XRCC6: variants seen among roughly 807,000 people sequenced by gnomAD.
XRCC6 encodes DNA repair protein Ku70.
Under a neutral mutation model 65.7 loss-of-function variants are expected in XRCC6, and 5 were observed. That is an observed-to-expected ratio of 0.08 (90% CI 0.04 to 0.16). XRCC6 has a LOEUF of 0.16. XRCC6 is among the 10% of genes least tolerant of loss of function. The pLI, the probability that XRCC6 is intolerant of heterozygous loss-of-function variation, is 1.00. For missense variants in XRCC6, 447 were observed against 738.1 expected (o/e 0.61, Z 4.57); for synonymous variants, 270 against 270.6 (o/e 1.00, Z 0.02).
chr22:41,648,175 C>G (rs58336301), intron 7 of XRCC6: 2 of 151,698 alleles, frequency 1.3e-5, no homozygotes, highest in Non-Finnish European at 1.5e-5. Context: ...TAAACACCAC[C>G]GCACTTGGAC....
intron 3 of XRCC6, 95 bp downstream of exon 3, chr22:41,628,325 G>A (rs1379443548): frequency 1.1e-5 from 11 of 972,048 alleles, no homozygotes; most frequent in Admixed American, 2.4e-5. Context: ...TTGGGAGGCC[G>A]AGACGGGCAG....
chr22:41,626,631 G>GTTTTTTTTTTT (rs921225213), intron 2 of XRCC6, among the ~76,000 whole-genome samples: 2 of 111,508 alleles, frequency 1.8e-5, no homozygotes, highest in Non-Finnish European at 2.0e-5. Flanking sequence ...ATGTTTGTTT[G>GTTTTTTTTTTT]TTTTTTTTTT....
At chr22:41,625,229 G>A (rs142063666) in intron 2 of XRCC6, among the ~76,000 whole-genome samples, 2 of 152,244 alleles carry the variant, frequency 1.3e-5, no homozygotes, top group African/African-American at 2.4e-5. Flanking sequence ...GCTTGAACAC[G>A]GGAGGTGGAG....
chr22:41,660,604 C>T (rs1238292913), intron 11 of XRCC6, among the ~76,000 whole-genome samples: 3 of 152,154 alleles, frequency 2.0e-5, no homozygotes, highest in Admixed American at 1.3e-4. Flanking sequence ...TCTCACCTCT[C>T]TGCTGGCCCT....
intron 6 of XRCC6, among the ~76,000 whole-genome samples, chr22:41,640,177 C>G (rs2067860290): frequency 6.6e-6 from 1 of 151,826 alleles, no homozygotes; most frequent in African/African-American, 2.4e-5. Context: ...GAGACAGAGT[C>G]TTGCTCTGTC....
intron 3 of XRCC6, among the ~76,000 whole-genome samples, chr22:41,629,096 A>T (rs910829468): frequency 6.6e-6 from 1 of 152,056 alleles, no homozygotes; most frequent in African/African-American, 2.4e-5. Flanking sequence ...TACCACTCAC[A>T]CCCACTATAT....
chr22:41,654,892 T>C (rs2068031003), intron 9 of XRCC6, among the ~76,000 whole-genome samples: 2 of 152,246 alleles, frequency 1.3e-5, no homozygotes, highest in Non-Finnish European at 2.9e-5. Context: ...ACCACAGTTT[T>C]GCTTTCTGCA....
At chr22:41,652,543 G>A (rs2068010713) in intron 8 of XRCC6, among the ~76,000 whole-genome samples, 1 of 151,886 alleles carries the variant, frequency 6.6e-6, no homozygotes. Context: ...CTTTTGTAAT[G>A]TTAGTAGAGA....
At position 41,650,247 on chromosome 22, in the gene XRCC6, G is replaced by C. The variant is rs954931362; in HGVS notation, c.961-476G>C. On this transcript the variant is annotated intron_variant, in intron 7 of 12. Coordinates refer to ENST00000360079, the MANE Select transcript of XRCC6 (RefSeq NM_001469.5). ...AGCCTCCCAAGTAGCTGGGACCACA[G>C]GTGTGTACCACTATACCGAGCTAAT... is the stretch of plus-strand genomic sequence containing the variant. Among the ~76,000 whole-genome samples the C allele has an allele frequency of 6.6e-5, 10 of 151,834 alleles. No homozygotes were observed. In the South Asian group the frequency reaches 1.0e-3, roughly 16 times the overall value.
At chr22:41,637,844 G>C in intron 6 of XRCC6, 53 bp downstream of exon 6, 1 of 1,561,388 alleles carries the variant, frequency 6.4e-7, no homozygotes, top group Non-Finnish European at 8.7e-7. Context: ...TCAGAAGCAG[G>C]CTGGGCGCGG....
chr22:41,636,732 G>A lies in XRCC6; in HGVS notation c.551G>A (p.Ser184Asn). ...CATGGCAATGACAGTGCCAAAGCCA[G>A]CCGGGCCAGGACCAAAGCCGGTGAT... Reference protein sequence around the residue: ...NPHGNDSAKASRARTKAGDLR... With the variant: ...NPHGNDSAKANRARTKAGDLR... The change falls in exon 5 of 13, where the codon AGC becomes AAC. Residue 184 changes from serine to asparagine, a missense_variant. Physicochemically the swap from Ser to Asn is conservative, Grantham distance 46. Transcript: ENST00000360079. 1.2e-6 allele frequency: 2 copies of A among 1,614,194 alleles called. No homozygotes were observed. The highest frequency in any genetic ancestry group is 1.7e-6 in the Non-Finnish European group (2 of 1,180,040).
chr22:41,663,354 A>G (rs1435729912), intron 12 of XRCC6, among the ~76,000 whole-genome samples: 3 of 152,158 alleles, frequency 2.0e-5, no homozygotes, highest in Admixed American at 2.0e-4. Context: ...GAAGGAAGGA[A>G]TGACTTACCC....
intron 11 of XRCC6, 80 bp from the exon 12 acceptor site, chr22:41,661,251 T>C: frequency 1.6e-6 from 2 of 1,241,068 alleles, no homozygotes; most frequent in East Asian, 2.3e-5. Context: ...TCTCTTCTGG[T>C]TCTCAGAGAG....
intron 8 of XRCC6, among the ~76,000 whole-genome samples, chr22:41,651,361 A>ATTTTTTTTTTTT (rs764795746): frequency 6.0e-5 from 3 of 49,756 alleles, no homozygotes; most frequent in African/African-American, 1.2e-4. Context: ...AGTTAAACAG[A>ATTTTTTTTTTTT]TTTTTTTTTT....
chr22:41,639,905 G>A (rs1285294423), intron 6 of XRCC6, among the ~76,000 whole-genome samples: 2 of 149,856 alleles, frequency 1.3e-5, no homozygotes, highest in East Asian at 2.0e-4. Flanking sequence ...TGATCCGCCC[G>A]CCTCGGCCTC....
chr22:41,657,531 T>A, intron 10 of XRCC6, among the ~76,000 whole-genome samples: 1 of 108,406 alleles, frequency 9.2e-6, no homozygotes, highest in African/African-American at 3.1e-5. Flanking sequence ...TTATTATTAT[T>A]ATTATTTTGA....
At chr22:41,650,918 G>T in intron 8 of XRCC6, 27 bp downstream of exon 8, 6 of 1,613,548 alleles carry the variant, frequency 3.7e-6, no homozygotes, top group South Asian at 1.1e-5. Context: ...ATGGATGAGT[G>T]ACTCTAACAC....
chr22:41,636,877 A>T, intron 5 of XRCC6, 107 bp downstream of exon 5: 1 of 1,410,110 alleles, frequency 7.1e-7, no homozygotes, highest in Non-Finnish European at 9.4e-7. Flanking sequence ...CCTCCCAAGT[A>T]GCTGGGACTA....
At chr22:41,639,334 T>TC (rs1326562473) in intron 6 of XRCC6, among the ~76,000 whole-genome samples, 1 of 90,806 alleles carries the variant, frequency 1.1e-5, no homozygotes, top group Non-Finnish European at 2.1e-5. Flanking sequence ...TTTTTCTTTT[T>TC]TTTTTTTTTT....
Sources: allele counts gnomAD v4.1 joint callset (sites outside exome capture counted in the v4.1 genomes callset), GRCh38; gene constraint gnomAD v4.1.1; transcripts MANE v1.5; gene names NCBI Gene and HGNC (gene_info 2026-07-23, HGNC 2026-07-21).